The following SNAPC4 variants were observed in gnomAD, a reference collection of about 807,000 sequenced individuals.
SNAPC4 encodes snRNA-activating protein complex subunit 4.
Under a neutral mutation model 151.3 loss-of-function variants are expected in SNAPC4, and 127 were observed. The observed-to-expected ratio is 0.84, with a 90% CI of 0.73 to 0.97. SNAPC4 has a LOEUF of 0.97. SNAPC4 is among the 50% of genes least tolerant of loss of function. SNAPC4 has a pLI of 0.00. For synonymous variants in SNAPC4, 1,002 were observed against 824.4 expected (o/e 1.22, Z -3.69); for missense variants, 2,186 against 1,935.0 (o/e 1.13, Z -2.43).
At position 136,398,301 on chromosome 9, in the gene SNAPC4, G is replaced by A. The variant is rs1834342824; in HGVS notation, c.128C>T (p.Ala43Val). The change falls in exon 2 of 24, where the codon GCA becomes GTA. Residue 43 changes from alanine to valine, a missense_variant and splice_region_variant. Transcript: ENST00000684778. ...SESSLESDSE[A>V]DSLPSEDLDP... is the part of the protein sequence containing the mutation. ...GAGGCTAGGTACAAGGGGCTTACCT[G>A]CTTCAGAATCTGACTCGAGACTTGA... The A allele has an allele frequency of 6.2e-7, 1 of 1,612,922 alleles. No homozygotes were observed. Among genetic ancestry groups the A allele is most frequent in the Non-Finnish European group, 8.5e-7 (1 of 1,179,242 alleles).
Position 136,383,285 on chromosome 9 carries a change from C to A in SNAPC4, c.1884G>T (p.Val628=). Residue 628 remains valine (V), a synonymous_variant, in exon 16 of 24, where the codon GTG becomes GTT. Transcript: ENST00000684778. This position sits in a 1 kb window ranked among gnomAD's most constrained non-coding sequence, Gnocchi z 4.2. ...AAAPGEETSP[V]QVPARAHGPV... is the part of the protein sequence containing the mutation. ...GGCCGTGGGCCCTGGCAGGGACCTG[C>A]ACCGGACTCGTCTCCTCTCCAGGAG... 1 of 1,612,258 alleles carries A rather than the reference C, an allele frequency of 6.2e-7. No homozygotes were observed. Among genetic ancestry groups the A allele is most frequent in the Non-Finnish European group, 8.5e-7 (1 of 1,179,738 alleles).
At chr9:136,382,231 G>T in intron 17 of SNAPC4, 22 bp downstream of exon 17, 2 of 1,610,484 alleles carry the variant, frequency 1.2e-6, no homozygotes, top group Non-Finnish European at 1.7e-6. Context: ...GCGTGCGCGT[G>T]GGTGTCTGCA....
At position 136,388,425 on chromosome 9, in the gene SNAPC4, C is replaced by T. The variant is rs780898633; in HGVS notation, c.1123+19G>A. Reference sequence around the variant, plus strand: ...GGCCCTGTGACAGCCTGAGAGCCGTCGGGGTGGAGGGGCCTCACTTCTGCG... The same window carrying T: ...GGCCCTGTGACAGCCTGAGAGCCGTTGGGGTGGAGGGGCCTCACTTCTGCG... On this transcript the variant is annotated intron_variant, in intron 11 of 23. Coordinates refer to ENST00000684778, the MANE Select transcript of SNAPC4 (RefSeq NM_003086.4). The T allele has an allele frequency of 2.3e-5, 37 of 1,608,044 alleles. No individual in the cohort carries two copies. The highest frequency in any genetic ancestry group is 8.0e-5 in the African/African-American group (6 of 74,868).
At chr9:136,377,471 G>T in intron 22 of SNAPC4, 72 bp downstream of exon 22, 2 of 1,481,044 alleles carry the variant, frequency 1.4e-6, no homozygotes, top group South Asian at 2.9e-5. Flanking sequence ...CCACCCCACT[G>T]CTCCAGGCAG....
chr9:136,385,554 TC>T (rs76211386), intron 13 of SNAPC4, among the ~76,000 whole-genome samples: 4,811 of 144,730 alleles, frequency 0.033, 97 homozygotes, highest in Middle Eastern at 0.099. Flanking sequence ...AGAATCCCAC[TC>T]CCCCCCCTTT....
At chr9:136,387,324 C>T (rs1435582050) in intron 13 of SNAPC4, among the ~76,000 whole-genome samples, 161 bp downstream of exon 13, 1 of 152,186 alleles carries the variant, frequency 6.6e-6, no homozygotes, top group Admixed American at 6.5e-5. Context: ...CAAGCAAGCG[C>T]CCACAGCCCA....
intron 9 of SNAPC4, 74 bp from the exon 10 acceptor site, chr9:136,392,180 C>T: frequency 6.4e-7 from 1 of 1,568,914 alleles, no homozygotes; most frequent in East Asian, 2.2e-5. Flanking sequence ...CCAGGCTGAG[C>T]TGTTGCTCTC....
intron 20 of SNAPC4, among the ~76,000 whole-genome samples, chr9:136,380,353 C>T (rs1387350807): frequency 6.6e-6 from 1 of 152,190 alleles, no homozygotes; most frequent in East Asian, 1.9e-4. Context: ...TGTTCCTGCT[C>T]CTCCAATGAG....
At chr9:136,384,613 C>T in intron 14 of SNAPC4, 107 bp downstream of exon 14, 1 of 598,338 alleles carries the variant, frequency 1.7e-6, no homozygotes, top group Non-Finnish European at 2.8e-6. Context: ...CGCACCACCG[C>T]ACCCCAGCCT....
chr9:136,394,242 G>T lies in SNAPC4; in HGVS notation c.632+7C>A. 6.3e-7 allele frequency: 1 copy of T among 1,580,814 alleles called. No individual in the cohort carries two copies. Among genetic ancestry groups the T allele is most frequent in the South Asian group, 1.1e-5 (1 of 90,474 alleles). ...AGACCGTTTTTGACTTATGGTTTTA[G>T]ACTTACTTCAGTAACTTGGGCTGAA... On this transcript the variant is annotated splice_region_variant and intron_variant, in intron 7 of 23. Coordinates refer to ENST00000684778, the MANE Select transcript of SNAPC4 (RefSeq NM_003086.4).
intron 16 of SNAPC4, 147 bp from the exon 17 acceptor site, chr9:136,382,483 A>G: frequency 1.4e-6 from 1 of 715,842 alleles, no homozygotes; most frequent in Admixed American, 2.3e-5. Flanking sequence ...GGGAACGTCC[A>G]CCATGGGAAG....
intron 3 of SNAPC4, 101 bp downstream of exon 3, chr9:136,396,876 G>A: frequency 4.6e-6 from 4 of 877,776 alleles, no homozygotes; most frequent in Non-Finnish European, 7.6e-6. Flanking sequence ...TTATAATGCA[G>A]AAAAACCAAT....
At chr9:136,394,959 A>G (rs982393865) in intron 5 of SNAPC4, 81 bp from the exon 6 acceptor site, 4 of 1,295,188 alleles carry the variant, frequency 3.1e-6, no homozygotes, top group East Asian at 4.8e-5. Context: ...AGAGCCCACA[A>G]AAGGACTCGG....
rs141436235 is a variant in SNAPC4, at chr9:136,381,983, G to A, written c.2158C>T (p.Arg720Trp). 1.9e-4 allele frequency: 298 copies of A among 1,610,762 alleles called. 1 individual carries two copies. The highest frequency in any genetic ancestry group is 2.3e-4 in the Non-Finnish European group (274 of 1,179,578). Residue 720 changes from arginine to tryptophan, a missense_variant, in exon 18 of 24, where the codon CGG becomes TGG. By Grantham distance (101) the Arg-to-Trp change is moderately radical. Coordinates refer to ENST00000684778, the MANE Select transcript of SNAPC4 (RefSeq NM_003086.4). ...TGCCCACTCTGGGTGGCTCTGTGCCGTAGCCACTGCACATGGGATCGGGCC... is the reference window on the plus strand; with the variant it reads ...TGCCCACTCTGGGTGGCTCTGTGCCATAGCCACTGCACATGGGATCGGGCC... ...SVARSHVQWL[R>W]HRATQSGQRR... is the part of the protein sequence containing the mutation.
chr9:136,398,440 G>A lies in SNAPC4; in HGVS notation c.-9-3C>T, dbSNP rs368073832. On this transcript the variant is annotated splice_region_variant and splice_polypyrimidine_tract_variant and intron_variant, in intron 1 of 23. Transcript: ENST00000684778. ...GCATCTACATCCATGACTCCCGCCT[G>A]CCTCCAAAACACACCCCGAGATGTT... 2.2e-5 allele frequency: 36 copies of A among 1,610,332 alleles called. No homozygotes were observed. The African/African-American group carries it at 4.3e-4, about 19-fold the overall frequency.
Position 136,382,352 on chromosome 9 carries a change from C to T in SNAPC4, c.1984-16G>A. ...GCCTCCCACCCTGATGAGAAAGCTG[C>T]CTGAGGCGAGGCACGCGGGGTGTAC... On this transcript the variant is annotated splice_polypyrimidine_tract_variant and intron_variant, in intron 16 of 23. Coordinates refer to ENST00000684778, the MANE Select transcript of SNAPC4 (RefSeq NM_003086.4). 7.4e-6 allele frequency: 12 copies of T among 1,612,088 alleles called. No individual in the cohort carries two copies. Among genetic ancestry groups the T allele is most frequent in the Non-Finnish European group, 1.0e-5 (12 of 1,179,192 alleles).
intron 22 of SNAPC4, among the ~76,000 whole-genome samples, chr9:136,377,194 C>T (rs1833478268): frequency 6.6e-6 from 1 of 152,222 alleles, no homozygotes; most frequent in South Asian, 2.1e-4. Flanking sequence ...ACCCTGGGAG[C>T]ACACGTGTGT....
At chr9:136,392,376 A>G in intron 9 of SNAPC4, 146 bp downstream of exon 9, 2 of 868,736 alleles carry the variant, frequency 2.3e-6, no homozygotes, top group South Asian at 1.4e-5. Context: ...CGACTGTGGG[A>G]CATGTGCTTG....
At chr9:136,392,398 T>G (rs1834109438) in intron 9 of SNAPC4, 124 bp downstream of exon 9, 1 of 996,086 alleles carries the variant, frequency 1.0e-6, no homozygotes, top group African/African-American at 1.6e-5. Context: ...CCCGGGTGGG[T>G]GGGGGGTCAC....
Sources: allele counts gnomAD v4.1 joint callset (sites outside exome capture counted in the v4.1 genomes callset), GRCh38; gene constraint gnomAD v4.1.1; non-coding constraint Gnocchi (gnomAD v3.1); transcripts MANE v1.5; gene names NCBI Gene and HGNC (gene_info 2026-07-23, HGNC 2026-07-21).